Variants in LRIG2 observed in about 807,000 individuals in gnomAD.
LRIG2 encodes leucine-rich repeats and immunoglobulin-like domains protein 2.
A neutral mutation model predicts 107.8 loss-of-function variants in LRIG2; 93 were observed. That is an observed-to-expected ratio of 0.86 (90% CI 0.73 to 1.03). The LOEUF is 1.03. LRIG2 is among the 50% of genes least tolerant of loss of function. LRIG2 has a pLI of 0.00. For missense variants in LRIG2, 1,226 were observed against 1,296.0 expected (o/e 0.95, Z 0.83); for synonymous variants, 471 against 470.6 (o/e 1.00, Z -0.01).
At chr1:113,114,930 A>G in intron 15 of LRIG2, 54 bp downstream of exon 15, 2 of 1,382,406 alleles carry the variant, frequency 1.4e-6, no homozygotes, top group Non-Finnish European at 2.0e-6. Flanking sequence ...AGAATGTAGT[A>G]TAGGATTAAT....
intron 1 of LRIG2, among the ~76,000 whole-genome samples, chr1:113,075,605 A>G (rs2101009618): frequency 6.6e-6 from 1 of 152,248 alleles, no homozygotes; most frequent in South Asian, 2.1e-4. Context: ...ACATTCTTGG[A>G]AGAGCTACCT....
intron 1 of LRIG2, among the ~76,000 whole-genome samples, chr1:113,083,809 CA>C (rs1198216321): frequency 3.2e-5 from 4 of 126,876 alleles, no homozygotes; most frequent in Middle Eastern, 9.9e-3. Context: ...TTGTTGAGAA[CA>C]CTTGGACACA....
chr1:113,118,701 G>T (rs182895962), intron 16 of LRIG2, among the ~76,000 whole-genome samples: 49 of 151,116 alleles, frequency 3.2e-4, no homozygotes, highest in Non-Finnish European at 6.0e-4. Flanking sequence ...GTCTCGCTGT[G>T]TCGCCCAGGC....
rs1290348720 is a variant in LRIG2 at position 113,126,178 on chromosome 1, T to C, written c.*2077T>C. ...CCACTTTGCAACTATGGGTCAGTTA[T>C]TTGCTCTCTCAATGTCTCATGTTGC... is the stretch of plus-strand genomic sequence containing the variant. On this transcript the variant is annotated 3_prime_UTR_variant, in exon 18 of 18. Coordinates refer to ENST00000361127, the MANE Select transcript of LRIG2 (RefSeq NM_014813.3). The C allele has an allele frequency of 6.6e-6, 1 of 152,224 alleles. No individual in the cohort carries two copies. The highest frequency in any genetic ancestry group is 1.5e-5 in the Non-Finnish European group (1 of 68,042). 9.4% of individuals were successfully genotyped at this position (152,224 alleles called of 1,614,324 possible).
chr1:113,093,377 G>C lies in LRIG2; in HGVS notation c.381-53G>C. On this transcript the variant is annotated intron_variant, in intron 3 of 17. Transcript: ENST00000361127. The stretch of plus-strand genomic sequence containing the variant: ...ATTGTTGATTCTAATTAACATTTTT[G>C]TGGCCTGGGGTGGATCAGTGGCAGC... 3 of 1,582,588 alleles carry C rather than the reference G, an allele frequency of 1.9e-6. No individual in the cohort carries two copies. The South Asian group carries it at 3.4e-5, about 18-fold the overall frequency.
At position 113,093,482 on chromosome 1, in the gene LRIG2, G is replaced by C; in HGVS notation, c.433G>C (p.Ala145Pro). The change falls in exon 4 of 18, where the codon GCT becomes CCT. Residue 145 changes from alanine to proline, a missense_variant. Coordinates refer to ENST00000361127, the MANE Select transcript of LRIG2 (RefSeq NM_014813.3). ...INAQALQFYP[A>P]LESLDLSSNI... Reference sequence around the variant, plus strand: ...TGCACAGGCACTCCAGTTTTACCCTGCTCTGGAGAGTTTAGACCTCAGCTC... The same window carrying C: ...TGCACAGGCACTCCAGTTTTACCCTCCTCTGGAGAGTTTAGACCTCAGCTC... 6.2e-7 allele frequency: 1 copy of C among 1,612,242 alleles called. No homozygotes were observed. The highest frequency in any genetic ancestry group is 8.5e-7 in the Non-Finnish European group (1 of 1,178,396).
At chr1:113,084,878 C>T (rs1255436899) in intron 1 of LRIG2, among the ~76,000 whole-genome samples, 2 of 152,130 alleles carry the variant, frequency 1.3e-5, no homozygotes, top group Non-Finnish European at 2.9e-5. Flanking sequence ...ATTTCCTATG[C>T]TAGAGAAAAT....
At chr1:113,118,631 T>C (rs965682854) in intron 16 of LRIG2, among the ~76,000 whole-genome samples, 1 of 152,106 alleles carries the variant, frequency 6.6e-6, no homozygotes, top group African/African-American at 2.4e-5. Context: ...GGAGCCAGAA[T>C]GGCTGTTTCT....
In LRIG2 at chr1:113,096,311, G is replaced by A. The variant is rs1193276706; in HGVS notation, c.1037G>A (p.Arg346Lys). Residue 346 changes from arginine (R) to lysine (K), a missense_variant, in exon 8 of 18, where the codon AGA (arginine) becomes AAA (lysine). Arg to Lys is a conservative substitution (Grantham distance 26). Around this residue, in one of 3 missense-constraint regions of LRIG2, gnomAD observed 570 missense variants for 550.2 expected, o/e 1.04. Coordinates refer to ENST00000361127, the MANE Select transcript of LRIG2 (RefSeq NM_014813.3). ...GAGAGATTGAATTTAGGAGACAACA[G>A]AGTCACTCATATTGCTGATGGTGTA... ...LLERLNLGDN[R>K]VTHIADGVFR... 6.2e-7 allele frequency: 1 copy of A among 1,614,020 alleles called. No homozygotes were observed. Among genetic ancestry groups the A allele is most frequent in the Admixed American group, 1.7e-5 (1 of 60,000 alleles).
intron 9 of LRIG2, 77 bp from the exon 10 acceptor site, chr1:113,100,134 T>A: frequency 1.2e-6 from 1 of 853,186 alleles, no homozygotes; most frequent in East Asian, 2.6e-5. Context: ...TTATTTTCAC[T>A]TTTTATAGGT....
In LRIG2 at chr1:113,129,612, T is replaced by C. The variant is rs1374602000; in HGVS notation, c.*5511T>C. 1 of 152,200 alleles carries C rather than the reference T, an allele frequency of 6.6e-6. No homozygotes were observed. The highest frequency in any genetic ancestry group is 1.5e-5 in the Non-Finnish European group (1 of 68,052). 9.4% of individuals were successfully genotyped at this position (152,200 alleles called of 1,614,324 possible). On this transcript the variant is annotated 3_prime_UTR_variant, in exon 18 of 18. Coordinates refer to ENST00000361127, the MANE Select transcript of LRIG2 (RefSeq NM_014813.3). ...TGCATATGTTTCTGATCAAGCAATA[T>C]GTTAACCCTCTAAGTAGGATTAGTG...
intron 1 of LRIG2, among the ~76,000 whole-genome samples, chr1:113,079,825 C>G (rs970939410): frequency 1.4e-5 from 2 of 146,518 alleles, no homozygotes; most frequent in South Asian, 4.4e-4. Flanking sequence ...CACTGCCACC[C>G]GAGTTCAAGC....
Position 113,125,936 on chromosome 1 carries a change from T to C in LRIG2, c.*1835T>C, listed in dbSNP as rs1161816615. On this transcript the variant is annotated 3_prime_UTR_variant, in exon 18 of 18. Coordinates refer to ENST00000361127, the MANE Select transcript of LRIG2 (RefSeq NM_014813.3). ...TTCTGAGTTCTCTTTGTTCACTTTC[T>C]AAAGTGACTGTTGTTTGGTGTTGGA... 6.6e-6 allele frequency: 1 copy of C among 152,246 alleles called. No individual in the cohort carries two copies. The highest frequency in any genetic ancestry group is 1.5e-5 in the Non-Finnish European group (1 of 68,048). 9.4% of individuals were successfully genotyped at this position (152,246 alleles called of 1,614,324 possible). A position where few individuals can be genotyped will look rare whatever the true frequency, so the allele number is the denominator to read the frequency against.
At chr1:113,109,172 GT>G (rs1654666420) in intron 12 of LRIG2, among the ~76,000 whole-genome samples, 1 of 152,148 alleles carries the variant, frequency 6.6e-6, no homozygotes, top group South Asian at 2.1e-4. Flanking sequence ...TTTTTACTTA[GT>G]TTTAAATATA....
chr1:113,079,932 G>A (rs1448537369), intron 1 of LRIG2, among the ~76,000 whole-genome samples: 1 of 150,116 alleles, frequency 6.7e-6, no homozygotes, highest in Non-Finnish European at 1.5e-5. Context: ...GCTTCACCAT[G>A]TTGGCCAGAC....
At chr1:113,112,407 A>C in intron 13 of LRIG2, 72 bp from the exon 14 acceptor site, 1 of 1,377,928 alleles carries the variant, frequency 7.3e-7, no homozygotes, top group Non-Finnish European at 9.9e-7. Flanking sequence ...AGATTCTTTC[A>C]TGCCTATTTG....
intron 1 of LRIG2, among the ~76,000 whole-genome samples, chr1:113,090,541 TAAAA>T (rs944922544): frequency 1.2e-4 from 19 of 152,100 alleles, no homozygotes; most frequent in Admixed American, 1.2e-3. Flanking sequence ...TTTTTTTTAT[TAAAA>T]AAATTTTTTT....
At chr1:113,076,427 C>T (rs1378994106) in intron 1 of LRIG2, among the ~76,000 whole-genome samples, 2 of 152,294 alleles carry the variant, frequency 1.3e-5, no homozygotes, top group East Asian at 3.9e-4. Context: ...TGCCTAGAGC[C>T]AAGTGACATT....
rs1655569244 is a variant in LRIG2, at chr1:113,128,380, T to A, written c.*4279T>A. On this transcript the variant is annotated 3_prime_UTR_variant, in exon 18 of 18. Transcript: ENST00000361127. Reference sequence around the variant, plus strand: ...ACTCATTAAGACCTTGTACGCTTCCTGAGTCTGCTTATTACTGGCTTTGTA... The same window carrying A: ...ACTCATTAAGACCTTGTACGCTTCCAGAGTCTGCTTATTACTGGCTTTGTA... The A allele has an allele frequency of 6.6e-6, 1 of 152,194 alleles. No homozygotes were observed. Among genetic ancestry groups the A allele is most frequent in the South Asian group, 2.1e-4 (1 of 4,836 alleles). The allele number at this position is 152,194 out of a possible 1,614,324, so 9.4% of individuals were successfully genotyped here.
Sources: allele counts gnomAD v4.1 joint callset (sites outside exome capture counted in the v4.1 genomes callset), GRCh38; gene constraint gnomAD v4.1.1; regional missense constraint gnomAD v4.1.1; transcripts MANE v1.5; gene names NCBI Gene and HGNC (gene_info 2026-07-23, HGNC 2026-07-21).